BBS9: variants seen among roughly 807,000 people sequenced by gnomAD.
BBS9 encodes the protein Bardet-Biedl syndrome 9.
A neutral mutation model predicts 117.7 loss-of-function variants in BBS9; 89 were observed. The observed-to-expected ratio is 0.76, with a 90% CI of 0.64 to 0.90. BBS9 has a LOEUF of 0.90. Ranked by LOEUF, BBS9 falls within the 40% of genes least tolerant of loss-of-function variation. BBS9 has a pLI of 0.00. For synonymous variants in BBS9, 379 were observed against 370.9 expected, an observed-to-expected ratio of 1.02 and a Z score of -0.25; for missense variants, 982 against 1,042.2, an observed-to-expected ratio of 0.94 and a Z score of 0.80.
chr7:33,479,378 G>A (rs1842216510), intron 19 of BBS9, among the ~76,000 whole-genome samples: 1 of 152,050 alleles, frequency 6.6e-6, no homozygotes, highest in Non-Finnish European at 1.5e-5. Flanking sequence ...TTTCTGTTCT[G>A]TTTCTAATTC....
chr7:33,436,940 A>T (rs1470988993), intron 19 of BBS9, among the ~76,000 whole-genome samples: 1 of 152,250 alleles, frequency 6.6e-6, no homozygotes, highest in Non-Finnish European at 1.5e-5. Flanking sequence ...GTGTAACTTG[A>T]CTTGTAACTG....
intron 5 of BBS9, among the ~76,000 whole-genome samples, chr7:33,185,372 T>C (rs548012106): frequency 6.6e-6 from 1 of 152,352 alleles, no homozygotes; most frequent in East Asian, 1.9e-4. Flanking sequence ...AACATCTTTT[T>C]ACATAAATCT....
chr7:33,132,870 G>A (rs748333180), intron 1 of BBS9, among the ~76,000 whole-genome samples: 28 of 151,970 alleles, frequency 1.8e-4, no homozygotes, highest in Non-Finnish European at 2.9e-4. Flanking sequence ...CAGGAGAAAG[G>A]GCAGAATTTA....
chr7:33,276,738 G>C (rs1000596589), intron 9 of BBS9: 6 of 152,268 alleles, frequency 3.9e-5, no homozygotes, highest in African/African-American at 1.4e-4. Context: ...TCTATCCTGG[G>C]TATGTGAATG....
chr7:33,367,919 A>G lies in BBS9; in HGVS notation c.1789+57A>G, dbSNP rs1274569315. 4.6e-6 allele frequency: 6 copies of G among 1,302,478 alleles called. No homozygotes were observed. In the African/African-American group the frequency reaches 8.7e-5, roughly 19 times the overall value. 80.7% of individuals were successfully genotyped at this position (1,302,478 alleles called of 1,614,324 possible). A position where few individuals can be genotyped will look rare whatever the true frequency, so the allele number is the denominator to read the frequency against. On this transcript the variant is annotated intron_variant, in intron 17 of 22. Coordinates refer to ENST00000242067, the MANE Select transcript of BBS9 (RefSeq NM_198428.3). ...AATTTTTTTCTAAGGATACCACATC[A>G]CAGAGGATACTCACATCAATAATTC...
intron 20 of BBS9, among the ~76,000 whole-genome samples, chr7:33,525,925 C>T (rs1458343797): frequency 6.6e-6 from 1 of 151,482 alleles, no homozygotes; most frequent in Admixed American, 6.6e-5. Context: ...CCTTCCGGAG[C>T]TCTTTTAGGG....
chr7:33,221,404 A>G (rs548076610), intron 5 of BBS9, among the ~76,000 whole-genome samples: 1 of 152,336 alleles, frequency 6.6e-6, no homozygotes, highest in Admixed American at 6.5e-5. Context: ...TGAGACTGAA[A>G]TCATCAAGTA....
intron 5 of BBS9, among the ~76,000 whole-genome samples, chr7:33,207,881 C>A (rs144417436): frequency 1.0e-3 from 155 of 152,050 alleles, no homozygotes; most frequent in African/African-American, 3.7e-3. Context: ...GATCTCTGCT[C>A]ACTGAAACCT....
chr7:33,466,177 C>A (rs1447485752), intron 19 of BBS9, among the ~76,000 whole-genome samples: 1 of 152,040 alleles, frequency 6.6e-6, no homozygotes, highest in South Asian at 2.1e-4. Context: ...TTAAGATCAA[C>A]TCTCTTAGCA....
At chr7:33,485,285 G>A (rs748213048) in intron 19 of BBS9, among the ~76,000 whole-genome samples, 5 of 150,098 alleles carry the variant, frequency 3.3e-5, no homozygotes, top group Admixed American at 2.0e-4. Context: ...TCCCATGCAT[G>A]TACCCTGGAA....
At chr7:33,475,869 G>T (rs148081019) in intron 19 of BBS9, among the ~76,000 whole-genome samples, 1,682 of 152,172 alleles carry the variant, frequency 0.011, 12 homozygotes, top group Middle Eastern at 0.02. Flanking sequence ...GAGAACAAAA[G>T]ACTTCACTGC....
intron 19 of BBS9, among the ~76,000 whole-genome samples, chr7:33,402,288 C>G (rs942901409): frequency 6.6e-6 from 1 of 152,172 alleles, no homozygotes; most frequent in African/African-American, 2.4e-5. Context: ...CTTCTAATCT[C>G]ATCTCCTATT....
intron 4 of BBS9, chr7:33,157,775 C>T (rs1584208927): frequency 6.6e-6 from 1 of 152,172 alleles, no homozygotes; most frequent in Admixed American, 6.5e-5. Context: ...CCTGGACATA[C>T]CTAACAACCC....
rs768755301 is a variant in BBS9 at position 33,367,773 on chromosome 7, C to T, written c.1700C>T (p.Ala567Val). ...TTCTCTCTTTTCTTTGTAGGTTTTG[C>T]CAGTCAGTCAGATGATGATCAGGTG... ...VSLLSLFPGF[A>V]SQSDDDQVNV... The change falls in exon 17 of 23, where the codon GCC (alanine) becomes GTC (valine). Residue 567 changes from alanine (A) to valine (V), a missense_variant. Physicochemically the swap from Ala to Val is moderately conservative, Grantham distance 64. Transcript: ENST00000242067. The T allele has an allele frequency of 6.2e-7, 1 of 1,613,614 alleles. No individual in the cohort carries two copies. The highest frequency in any genetic ancestry group is 8.5e-7 in the Non-Finnish European group (1 of 1,179,694).
intron 11 of BBS9, among the ~76,000 whole-genome samples, chr7:33,343,291 G>A (rs1281792833): frequency 6.6e-6 from 1 of 152,078 alleles, no homozygotes; most frequent in Non-Finnish European, 1.5e-5. Context: ...TTCTATCATA[G>A]AGCATTTTCC....
chr7:33,155,661 C>A lies in BBS9; in HGVS notation c.287C>A (p.Ala96Asp). ...FVSGTEMLHL[A>D]VLHSRKLCVY... ...AGAGGTACCGAAATGCTACATTTGG[C>A]TGTGTTACATTCTAGAAAACTTTGT... Residue 96 changes from alanine to aspartate, a missense_variant, in exon 4 of 23, where the codon GCT becomes GAT. By Grantham distance (126) the Ala-to-Asp change is moderately radical (BLOSUM62 -2). Coordinates refer to ENST00000242067, the MANE Select transcript of BBS9 (RefSeq NM_198428.3). 6.2e-7 allele frequency: 1 copy of A among 1,600,986 alleles called. No homozygotes were observed. Among genetic ancestry groups the A allele is most frequent in the Non-Finnish European group, 8.5e-7 (1 of 1,169,870 alleles).
intron 1 of BBS9, among the ~76,000 whole-genome samples, chr7:33,144,658 G>A (rs1394298182): frequency 1.3e-5 from 2 of 152,190 alleles, no homozygotes; most frequent in Non-Finnish European, 2.9e-5. Flanking sequence ...GTCTGCAAAT[G>A]TAATACTGAA....
At position 33,416,693 on chromosome 7, in the gene BBS9, A is replaced by G. The variant is rs561525748; in HGVS notation, c.2115+28549A>G. ...GCATGTGACAGCCGTGGTCCCCAATATTAAGGAGTCTATAATCTATGGGGT... is the reference window on the plus strand; with the variant it reads ...GCATGTGACAGCCGTGGTCCCCAATGTTAAGGAGTCTATAATCTATGGGGT... On this transcript the variant is annotated intron_variant, in intron 19 of 22. Coordinates refer to ENST00000242067, the MANE Select transcript of BBS9 (RefSeq NM_198428.3). 2.0e-5 allele frequency among the ~76,000 whole-genome samples: 3 copies of G among 152,270 alleles called. No homozygotes were observed. The South Asian group carries it at 6.2e-4, about 32-fold the overall frequency.
intron 19 of BBS9, among the ~76,000 whole-genome samples, chr7:33,503,513 GTGGTCAATATTTGCCTCCT>G (rs1158020701): frequency 7.1e-6 from 1 of 140,240 alleles, no homozygotes; most frequent in African/African-American, 2.8e-5. Context: ...TCTTCCTTAT[GTGGTCAATATTTGCCTCCT>G]TGACTGATTT....
Sources: gnomAD v4.1 joint callset for allele counts (sites outside exome capture counted in the v4.1 genomes callset) on GRCh38, gnomAD v4.1.1 for gene constraint, MANE v1.5 for transcripts, NCBI Gene and HGNC (gene_info 2026-07-23, HGNC 2026-07-21) for gene names.